The following UBR4 variants were observed in gnomAD, a reference collection of about 807,000 sequenced individuals.
UBR4 encodes the protein E3 ubiquitin-protein ligase UBR4.
UBR4 carries 124 observed loss-of-function variants against 575.6 expected under a neutral mutation model. The ratio of observed to expected loss-of-function variants is 0.22; its 90% CI spans 0.19 to 0.25. The LOEUF is 0.25. UBR4 is among the 10% of genes least tolerant of loss of function. UBR4 has a pLI of 1.00. For synonymous variants in UBR4, 2,455 were observed against 2,473.7 expected (o/e 0.99, Z 0.22); for missense variants, 4,818 against 6,478.8 (o/e 0.74, Z 8.80).
rs550535024 is a variant in UBR4 at position 19,153,274 on chromosome 1, C to A, written c.6832+27G>T. 8.1e-6 allele frequency: 13 copies of A among 1,612,828 alleles called. No individual in the cohort carries two copies. Among genetic ancestry groups the A allele is most frequent in the Middle Eastern group, 1.7e-4 (1 of 6,058 alleles). On this transcript the variant is annotated intron_variant, in intron 46 of 105. Coordinates refer to ENST00000375254, the MANE Select transcript of UBR4 (RefSeq NM_020765.3). The surrounding 1 kb of genome is among the most constrained non-coding windows in gnomAD (Gnocchi z 4.1). ...TAGAAGACCACCATTCCTACTCCCCCACAAGTCATCTGAGAAGGAGCCTTA... is the reference window on the plus strand; with the variant it reads ...TAGAAGACCACCATTCCTACTCCCCAACAAGTCATCTGAGAAGGAGCCTTA...
In UBR4 at chr1:19,110,459, A is replaced by G; in HGVS notation, c.11898T>C (p.Ser3966=). 1 of 1,614,132 alleles carries G rather than the reference A, an allele frequency of 6.2e-7. No individual in the cohort carries two copies. The highest frequency in any genetic ancestry group is 8.5e-7 in the Non-Finnish European group (1 of 1,180,016). Residue 3966 remains serine (S), a synonymous_variant, in exon 80 of 106, where the codon AGT becomes AGC. Coordinates refer to ENST00000375254, the MANE Select transcript of UBR4 (RefSeq NM_020765.3). This position sits in a 1 kb window ranked among gnomAD's most constrained non-coding sequence, Gnocchi z 4.5. ...GCAGCAGCATTTCATACTGCAGGCT[A>G]CTTGCCTAGAAGGCAATGGGAAGAG... ...KGHWANPDLA[S]SLQYEMLLLT... is the part of the protein sequence containing the mutation.
intron 22 of UBR4, 134 bp from the exon 23 acceptor site, chr1:19,173,755 C>A: frequency 1.2e-6 from 1 of 842,368 alleles, no homozygotes; most frequent in Non-Finnish European, 1.8e-6. Context: ...AGATTTGGCC[C>A]CCAAGTCCAT....
At chr1:19,143,951 C>T in intron 55 of UBR4, 29 bp downstream of exon 55, 1 of 1,603,710 alleles carries the variant, frequency 6.2e-7, no homozygotes. Flanking sequence ...CAAATACAGG[C>T]TTGAGCCTAA....
chr1:19,121,785 A>T, intron 67 of UBR4, 149 bp downstream of exon 67: 1 of 1,019,982 alleles, frequency 9.8e-7, no homozygotes, highest in Non-Finnish European at 1.4e-6. Context: ...TTAGATTTTT[A>T]CTTGTCTTCT....
chr1:19,175,723 AAG>A (rs1241941957), intron 20 of UBR4, among the ~76,000 whole-genome samples: 1 of 152,220 alleles, frequency 6.6e-6, no homozygotes, highest in Non-Finnish European at 1.5e-5. Context: ...ACAGAGTGGC[AAG>A]AATCCATATA....
chr1:19,173,594 A>G lies in UBR4; in HGVS notation c.3010T>C (p.Leu1004=), dbSNP rs41273197. Reference sequence around the variant, plus strand: ...ATTCCTAGGATCCTCCACAGTATCAAGAAGTAATATTGAAGGGCACAGGCC... The same window carrying G: ...ATTCCTAGGATCCTCCACAGTATCAGGAAGTAATATTGAAGGGCACAGGCC... The part of the protein sequence containing the change: ...LEACALQYYF[L]ILWRILGILP... The change falls in exon 23 of 106, where the codon TTG becomes CTG. Residue 1004 remains leucine (L), a synonymous_variant. Transcript: ENST00000375254. The G allele has an allele frequency of 7.9e-3, 12,694 of 1,614,146 alleles. 81 individuals carry two copies. The highest frequency in any genetic ancestry group is 9.9e-3 in the Non-Finnish European group (11,710 of 1,180,000).
Position 19,169,534 on chromosome 1 carries a change from T to A in UBR4, c.3644-2A>T. The A allele has an allele frequency of 6.2e-7, 1 of 1,612,152 alleles. No individual in the cohort carries two copies. The highest frequency in any genetic ancestry group is 8.5e-7 in the Non-Finnish European group (1 of 1,179,270). On this transcript the variant is annotated splice_acceptor_variant, in intron 26 of 105. Coordinates refer to ENST00000375254, the MANE Select transcript of UBR4 (RefSeq NM_020765.3). LOFTEE classifies it high-confidence loss of function. ...GCAAATTCTGAACCAGTGTCGGACC[T>A]GGAGGCGACAGAAAGGACAAGGAAT... is the stretch of plus-strand genomic sequence containing the variant.
chr1:19,151,848 G>A lies in UBR4; in HGVS notation c.7008C>T (p.Phe2336=). The A allele has an allele frequency of 1.2e-6, 2 of 1,600,452 alleles. No homozygotes were observed. The highest frequency in any genetic ancestry group is 1.7e-6 in the Non-Finnish European group (2 of 1,172,172). ...MYVANTKPGG[F]TIEISNNNST... is the part of the protein sequence containing the mutation. Reference sequence around the variant, plus strand: ...TATTGTTGTTACTAATCTCAATGGTGAAGCCTCCGGGCTGTAGGGAGACAA... The same window carrying A: ...TATTGTTGTTACTAATCTCAATGGTAAAGCCTCCGGGCTGTAGGGAGACAA... Residue 2336 remains phenylalanine, a synonymous_variant, in exon 48 of 106, where the codon TTC becomes TTT. Transcript: ENST00000375254.
Position 19,093,443 on chromosome 1 carries a change from A to G in UBR4, c.13981T>C (p.Cys4661Arg). 1 of 1,614,244 alleles carries G rather than the reference A, an allele frequency of 6.2e-7. No individual in the cohort carries two copies. Among genetic ancestry groups the G allele is most frequent in the Non-Finnish European group, 8.5e-7 (1 of 1,180,038 alleles). The change falls in exon 96 of 106, where the codon TGC becomes CGC. Residue 4661 changes from cysteine (C) to arginine (R), a missense_variant. Physicochemically the swap from Cys to Arg is radical, Grantham distance 180. Around this residue, in one of 29 missense-constraint regions of UBR4, gnomAD observed 165 missense variants for 282.3 expected, o/e 0.58. Transcript: ENST00000375254. The surrounding 1 kb of genome is among the most constrained non-coding windows in gnomAD (Gnocchi z 4.8). The stretch of plus-strand genomic sequence containing the variant: ...ATGCCAGCAGCTATTTTACAGAAGC[A>G]GTCCAGGAAGACTTTATCATCACCA... ...HSGDDKVFLD[C>R]FCKIAAGIKN...
In UBR4 at chr1:19,128,402, A is replaced by C; in HGVS notation, c.9004-84T>G. ...TACGGGGTGTTTCAGAAGAAATCCT[A>C]ATCTTCCTGACATCCCTATCAATCA... On this transcript the variant is annotated intron_variant, in intron 61 of 105. Coordinates refer to ENST00000375254, the MANE Select transcript of UBR4 (RefSeq NM_020765.3). The C allele has an allele frequency of 6.1e-6, 7 of 1,152,538 alleles. No individual in the cohort carries two copies. In the South Asian group the frequency reaches 7.6e-5, roughly 13 times the overall value. The allele number at this position is 1,152,538 out of a possible 1,614,324, so 71.4% of individuals were successfully genotyped here. A position where few individuals can be genotyped will look rare whatever the true frequency, so the allele number is the denominator to read the frequency against.
chr1:19,139,876 C>T lies in UBR4; in HGVS notation c.8594-656G>A, dbSNP rs1267661783. On this transcript the variant is annotated intron_variant, in intron 58 of 105. Transcript: ENST00000375254. This position sits in a 1 kb window ranked among gnomAD's most constrained non-coding sequence, Gnocchi z 4.2. ...ACAGCCACAGCATCCAGGATCAGGG[C>T]TGAGCTGAGACAGGAGGAAAATGCT... Among the ~76,000 whole-genome samples, 1 of 152,096 alleles carries T rather than the reference C, an allele frequency of 6.6e-6. No individual in the cohort carries two copies. Among genetic ancestry groups the T allele is most frequent in the Non-Finnish European group, 1.5e-5 (1 of 68,028 alleles).
chr1:19,107,682 G>C (rs2079377161), intron 81 of UBR4, among the ~76,000 whole-genome samples: 1 of 152,000 alleles, frequency 6.6e-6, no homozygotes, highest in Non-Finnish European at 1.5e-5. Context: ...CTACTAAGGG[G>C]GCTGAGGCAG....
rs1434559112 is a variant in UBR4 at position 19,104,244 on chromosome 1, G to A, written c.12741C>T (p.Ser4247=). 12 of 1,614,228 alleles carry A rather than the reference G, an allele frequency of 7.4e-6. No individual in the cohort carries two copies. Among genetic ancestry groups the A allele is most frequent in the Non-Finnish European group, 1.0e-5 (12 of 1,180,048 alleles). ...ALKSLTGLLS[S]FVEVESIKRH... is the part of the protein sequence containing the mutation. ...TTTTGATGGATTCCACCTCAACAAA[G>A]GAGGAGAGAAGGCCTGTGGAGACAG... The change falls in exon 87 of 106, where the codon TCC becomes TCT. Residue 4247 remains serine (S), a synonymous_variant. Transcript: ENST00000375254.
In UBR4 at chr1:19,161,739, A is replaced by G; in HGVS notation, c.5028-3T>C. On this transcript the variant is annotated splice_region_variant and splice_polypyrimidine_tract_variant and intron_variant, in intron 36 of 105. Coordinates refer to ENST00000375254, the MANE Select transcript of UBR4 (RefSeq NM_020765.3). ...TTTTACAGGTGTGACAGTGGTACCT[A>G]CAAAGAACAAGAACCAGCAAATAAG... 6.2e-7 allele frequency: 1 copy of G among 1,613,146 alleles called. No homozygotes were observed. Among genetic ancestry groups the G allele is most frequent in the Non-Finnish European group, 8.5e-7 (1 of 1,179,248 alleles).
At chr1:19,106,119 C>T (rs1423372149) in intron 83 of UBR4, among the ~76,000 whole-genome samples, 4 of 152,192 alleles carry the variant, frequency 2.6e-5, no homozygotes, top group Admixed American at 2.0e-4. Context: ...AGGGATCTTC[C>T]TTAGCAAAGA....
At chr1:19,200,670 AT>A (rs1320241000) in intron 2 of UBR4, among the ~76,000 whole-genome samples, 2 of 152,214 alleles carry the variant, frequency 1.3e-5, no homozygotes, top group East Asian at 3.8e-4. Flanking sequence ...ACTTAAAAAA[AT>A]AAAATGACTT....
chr1:19,143,998 G>A lies in UBR4; in HGVS notation c.8161C>T (p.Arg2721Ter). 3 of 1,613,758 alleles carry A rather than the reference G, an allele frequency of 1.9e-6. No homozygotes were observed. The highest frequency in any genetic ancestry group is 1.1e-5 in the South Asian group (1 of 91,064). ...RRHVTLPSSP[R>*]SNTPMGDKDD... ...ATATTACCCATTGGAGTGTTGCTTC[G>A]AGGGGAAGAGGGTAAAGTCACATGT... The change falls in exon 55 of 106, where the codon CGA becomes TGA. Residue 2721 changes from arginine (R) to a stop codon, truncating the protein, a stop_gained. Coordinates refer to ENST00000375254, the MANE Select transcript of UBR4 (RefSeq NM_020765.3). LOFTEE classifies it high-confidence loss of function.
rs1263559768 is a variant in UBR4, at chr1:19,199,677, G to A, written c.352C>T (p.Pro118Ser). The change falls in exon 3 of 106, where the codon CCA (proline) becomes TCA (serine). Residue 118 changes from proline (P) to serine (S), a missense_variant. Pro to Ser is a moderately conservative substitution (Grantham distance 74). Coordinates refer to ENST00000375254, the MANE Select transcript of UBR4 (RefSeq NM_020765.3). ...TGGGACACAGCACAAGCCTCATCTG[G>A]ATTCTCCAGACGCAGGAGAGAAAAC... is the stretch of plus-strand genomic sequence containing the variant. ...IEFSLLRLEN[P>S]DEACAVSQKH... 6.2e-7 allele frequency: 1 copy of A among 1,614,158 alleles called. No homozygotes were observed. Among genetic ancestry groups the A allele is most frequent in the Non-Finnish European group, 8.5e-7 (1 of 1,180,014 alleles).
chr1:19,190,312 A>AAAAAAAAAAAAAAAAAAAAAT, intron 11 of UBR4, among the ~76,000 whole-genome samples: 1 of 79,922 alleles, frequency 1.3e-5, no homozygotes, highest in African/African-American at 5.3e-5. Flanking sequence ...AAAAAAAAAA[A>AAAAAAAAAAAAAAAAAAAAAT]ATATATATAT....
Sources: allele counts gnomAD v4.1 joint callset (sites outside exome capture counted in the v4.1 genomes callset), GRCh38; gene constraint gnomAD v4.1.1; regional missense constraint gnomAD v4.1.1; non-coding constraint Gnocchi (gnomAD v3.1); transcripts MANE v1.5; gene names NCBI Gene and HGNC (gene_info 2026-07-23, HGNC 2026-07-21).